The following IL1RAPL1 variants were observed in gnomAD, a reference collection of about 807,000 sequenced individuals.
IL1RAPL1 encodes the protein interleukin-1 receptor accessory protein-like 1.
IL1RAPL1 carries 3 observed loss-of-function variants against 48.4 expected under a neutral mutation model. The observed-to-expected ratio is 0.06, with a 90% CI of 0.03 to 0.16. IL1RAPL1 has a LOEUF of 0.16. Ranked by LOEUF, IL1RAPL1 falls within the 10% of genes least tolerant of loss-of-function variation. The pLI is 1.00. For missense variants in IL1RAPL1, 349 were observed against 530.6 expected, an observed-to-expected ratio of 0.66 and a Z score of 3.36; for synonymous variants, 185 against 187.7, an observed-to-expected ratio of 0.99 and a Z score of 0.12.
At chrX:29,247,223 A>G (rs1931530268) in intron 2 of IL1RAPL1, among the ~76,000 whole-genome samples, 1 of 112,000 alleles carries the variant, frequency 8.9e-6, no homozygotes, top group Non-Finnish European at 1.9e-5. Context: ...GGAATATTGG[A>G]TATTAGAAAT....
At chrX:28,850,988 T>C (rs1315285587) in intron 2 of IL1RAPL1, among the ~76,000 whole-genome samples, 5 of 107,113 alleles carry the variant, frequency 4.7e-5, no homozygotes, top group African/African-American at 1.7e-4. Flanking sequence ...GGTAGTTTGT[T>C]TACCCCATTT....
chrX:29,517,774 C>T (rs936935082), intron 5 of IL1RAPL1, among the ~76,000 whole-genome samples: 1 of 111,341 alleles, frequency 9.0e-6, no homozygotes, highest in Non-Finnish European at 1.9e-5. Flanking sequence ...TGTGTTTGTC[C>T]CTTTCAAAAA....
chrX:29,437,372 T>C (rs775587529), intron 5 of IL1RAPL1, among the ~76,000 whole-genome samples: 4 of 110,848 alleles, frequency 3.6e-5, no homozygotes, highest in African/African-American at 1.3e-4. Flanking sequence ...TTTTATTTCT[T>C]CCTTTCCTAG....
intron 1 of IL1RAPL1, among the ~76,000 whole-genome samples, chrX:28,592,112 C>T (rs1933912878): frequency 9.0e-6 from 1 of 111,619 alleles, no homozygotes; most frequent in South Asian, 3.7e-4. Flanking sequence ...TTAACTTTCA[C>T]TCAGTACTCA....
At chrX:29,423,784 CT>C (rs1934319330) in intron 5 of IL1RAPL1, among the ~76,000 whole-genome samples, 1 of 111,580 alleles carries the variant, frequency 9.0e-6, no homozygotes, top group Non-Finnish European at 1.9e-5. Flanking sequence ...CTTGCATATA[CT>C]ATCTAATTTA....
intron 5 of IL1RAPL1, among the ~76,000 whole-genome samples, chrX:29,435,302 T>G (rs1308515092): frequency 2.7e-5 from 3 of 111,200 alleles, no homozygotes; most frequent in Non-Finnish European, 5.7e-5. Context: ...GTTTTAAATT[T>G]ACTTGGGTAT....
intron 3 of IL1RAPL1, among the ~76,000 whole-genome samples, chrX:29,294,049 A>AAC (rs1384482106): frequency 1.8e-5 from 2 of 110,192 alleles, no homozygotes; most frequent in Non-Finnish European, 3.8e-5. Context: ...AAAAAAAAAA[A>AAC]ATAAATGAAT....
chrX:29,724,481 C>T, intron 6 of IL1RAPL1, among the ~76,000 whole-genome samples: 1 of 112,381 alleles, frequency 8.9e-6, no homozygotes, highest in Non-Finnish European at 1.9e-5. Context: ...ACAAAGCTAG[C>T]ATGCTCCTGA....
At chrX:29,310,686 G>A (rs999809475) in intron 3 of IL1RAPL1, among the ~76,000 whole-genome samples, 1 of 111,760 alleles carries the variant, frequency 8.9e-6, no homozygotes, top group East Asian at 2.8e-4. Context: ...AAACTCAGAA[G>A]TCAGAGAATA....
chrX:29,321,638 A>G (rs1236345318), intron 3 of IL1RAPL1, among the ~76,000 whole-genome samples: 6 of 112,210 alleles, frequency 5.3e-5, no homozygotes, highest in African/African-American at 9.7e-5. Context: ...TGCTCCTTAT[A>G]TGTAGGTTAT....
At chrX:29,522,914 C>T (rs2064246) in intron 5 of IL1RAPL1, among the ~76,000 whole-genome samples, 4,262 of 106,159 alleles carry the variant, frequency 0.04, 96 homozygotes, top group Admixed American at 0.087. Flanking sequence ...CATCTGTGTT[C>T]TCTCTCTCTC....
chrX:29,661,876 C>T (rs904283570), intron 5 of IL1RAPL1, among the ~76,000 whole-genome samples: 4 of 111,322 alleles, frequency 3.6e-5, no homozygotes, highest in Non-Finnish European at 7.5e-5. Context: ...CTACCACTTC[C>T]ACCACCAACA....
intron 6 of IL1RAPL1, among the ~76,000 whole-genome samples, chrX:29,824,990 T>C (rs778122200): frequency 9.3e-6 from 1 of 107,987 alleles, no homozygotes; most frequent in African/African-American, 3.4e-5. Flanking sequence ...GGAAAAAAAA[T>C]AATGGAGTGT....
intron 2 of IL1RAPL1, among the ~76,000 whole-genome samples, chrX:29,236,667 ATTCT>A (rs1931311477): frequency 1.3e-5 from 1 of 74,368 alleles, no homozygotes; most frequent in African/African-American, 5.3e-5. Context: ...ATTCTCCTGC[ATTCT>A]CCTGCCTCAG....
At chrX:29,665,583 T>C (rs1260245252) in intron 5 of IL1RAPL1, among the ~76,000 whole-genome samples, 1 of 112,162 alleles carries the variant, frequency 8.9e-6, no homozygotes, top group Admixed American at 9.4e-5. Context: ...TGTGACTTTG[T>C]GACAGCAAAA....
At chrX:29,608,641 A>G (rs1055790468) in intron 5 of IL1RAPL1, among the ~76,000 whole-genome samples, 71 of 106,878 alleles carry the variant, frequency 6.6e-4, no homozygotes, top group Non-Finnish European at 9.0e-4. Flanking sequence ...CCTGGCTAAC[A>G]CGGTGAAACC....
chrX:28,785,311 G>C (rs1182647019), intron 1 of IL1RAPL1, among the ~76,000 whole-genome samples: 1 of 111,606 alleles, frequency 9.0e-6, no homozygotes, highest in Non-Finnish European at 1.9e-5. Flanking sequence ...TTTTTGTAGA[G>C]ATGGTGGTCT....
chrX:29,844,477 T>G (rs1025282741), intron 6 of IL1RAPL1, among the ~76,000 whole-genome samples: 1 of 111,489 alleles, frequency 9.0e-6, no homozygotes, highest in Admixed American at 9.6e-5. Context: ...CCGGTACCTG[T>G]AAATGTGATC....
At chrX:29,108,612 G>A (rs780506361) in intron 2 of IL1RAPL1, among the ~76,000 whole-genome samples, 8 of 110,472 alleles carry the variant, frequency 7.2e-5, no homozygotes, top group Non-Finnish European at 1.5e-4. Context: ...TGTTGGTCAG[G>A]CTGGTCTCGA....
Sources: gnomAD v4.1 joint callset for allele counts (sites outside exome capture counted in the v4.1 genomes callset) on GRCh38, gnomAD v4.1.1 for gene constraint, MANE v1.5 for transcripts, NCBI Gene and HGNC (gene_info 2026-07-23, HGNC 2026-07-21) for gene names.